GSE1: variants seen among roughly 807,000 people sequenced by gnomAD.
GSE1 encodes Gse1 coiled-coil protein.
GSE1 carries 32 observed loss-of-function variants against 112.6 expected under a neutral mutation model. The ratio of observed to expected loss-of-function variants is 0.28; its 90% CI spans 0.21 to 0.38. The LOEUF (loss-of-function observed/expected upper bound fraction) is 0.38, where lower values mean the gene tolerates loss of function less well. Among genes scored for constraint, GSE1 ranks in the 10% least tolerant of loss-of-function variants. GSE1 has a pLI of 1.00. For synonymous variants in GSE1, 1,115 were observed against 735.6 expected, an observed-to-expected ratio of 1.52 and a Z score of -8.35; for missense variants, 2,348 against 1,699.2, an observed-to-expected ratio of 1.38 and a Z score of -6.71.
At chr16:85,605,816 C>T (rs1398673969) in intron 1 of GSE1, among the ~76,000 whole-genome samples, 3 of 151,942 alleles carry the variant, frequency 2.0e-5, no homozygotes, top group African/African-American at 7.3e-5. Flanking sequence ...AACTGAAGAC[C>T]GCATTGTAGG....
rs771903052 is a variant in GSE1, at chr16:85,668,315, GGAGGAGGAA to G, written c.3315_3323del (p.Glu1105_Glu1107del). On this transcript the variant is annotated inframe_deletion, in exon 14 of 16. Coordinates refer to ENST00000253458, the MANE Select transcript of GSE1 (RefSeq NM_014615.5). ...CCCAGGAGTTGGACCGGGACTCGGA[GGAGGAGGAA>G]GAGGAGGATGATGAAGATGGAGAAG... 1.1e-5 allele frequency: 18 copies of G among 1,612,764 alleles called. No homozygotes were observed. Among genetic ancestry groups the G allele is most frequent in the Non-Finnish European group, 1.2e-5 (14 of 1,179,010 alleles).
At chr16:85,458,598 A>G (rs2049895457) in intron 2 of GSE1, among the ~76,000 whole-genome samples, 1 of 152,220 alleles carries the variant, frequency 6.6e-6, no homozygotes, top group African/African-American at 2.4e-5. Flanking sequence ...GGCCAGTGGC[A>G]GGGGCTTCCA....
intron 2 of GSE1, among the ~76,000 whole-genome samples, chr16:85,447,217 C>G (rs1162498540): frequency 6.6e-6 from 1 of 152,138 alleles, no homozygotes; most frequent in Non-Finnish European, 1.5e-5. Context: ...GTGTGCAGCA[C>G]CCCCAGCCCT....
chr16:85,223,496 C>T (rs1235838101), intron 1 of GSE1, among the ~76,000 whole-genome samples: 1 of 151,778 alleles, frequency 6.6e-6, no homozygotes, highest in Admixed American at 6.6e-5. Context: ...GCACTCCAGC[C>T]TGGGCAACAG....
intron 1 of GSE1, among the ~76,000 whole-genome samples, chr16:85,224,536 T>C (rs191602693): frequency 1.8e-4 from 27 of 152,176 alleles, no homozygotes; most frequent in Non-Finnish European, 3.7e-4. Flanking sequence ...GTATCCAGAC[T>C]CATTCATTCA....
chr16:85,631,655 C>G (rs995897955), intron 1 of GSE1, among the ~76,000 whole-genome samples: 9 of 152,252 alleles, frequency 5.9e-5, no homozygotes, highest in African/African-American at 1.9e-4. Flanking sequence ...CGTAATGGCC[C>G]TGGGGTGCCC....
chr16:85,272,777 CTTTTTTTT>C (rs1204820536), intron 1 of GSE1, among the ~76,000 whole-genome samples: 7 of 131,426 alleles, frequency 5.3e-5, no homozygotes, highest in African/African-American at 1.1e-4. Context: ...CTTCTCTTTT[CTTTTTTTT>C]TTTTTTTTTT....
chr16:85,468,286 GCTT>G (rs925625324), intron 2 of GSE1, among the ~76,000 whole-genome samples: 16 of 149,888 alleles, frequency 1.1e-4, no homozygotes, highest in African/African-American at 2.7e-4. Flanking sequence ...GGCTGGACCA[GCTT>G]CTTCTTGTAG....
intron 2 of GSE1, among the ~76,000 whole-genome samples, chr16:85,544,885 C>T (rs866701655): frequency 6.6e-6 from 1 of 152,158 alleles, no homozygotes; most frequent in African/African-American, 2.4e-5. Context: ...GGACCGCGGC[C>T]GGAGCAGGAT....
At chr16:85,519,938 G>C (rs1359577133) in intron 2 of GSE1, among the ~76,000 whole-genome samples, 2 of 152,066 alleles carry the variant, frequency 1.3e-5, no homozygotes, top group Non-Finnish European at 2.9e-5. Context: ...CTCTATACTT[G>C]GGAAAGGGTC....
rs139520850 is a variant in GSE1 at position 85,497,601 on chromosome 16, C to A, written c.2465-136313C>A. On this transcript the variant is annotated intron_variant, in intron 2 of 2. Transcript: ENST00000637419. ...TCTCACAGCAAACTGCTGAAAGGGA[C>A]CAGGCCTCCTATGTCTGTGCAGCAG... Among the ~76,000 whole-genome samples the A allele has an allele frequency of 2.6e-5, 4 of 152,298 alleles. No homozygotes were observed. In the East Asian group the frequency reaches 5.8e-4, roughly 22 times the overall value.
At chr16:85,244,977 T>G (rs1905475633) in intron 1 of GSE1, among the ~76,000 whole-genome samples, 1 of 139,392 alleles carries the variant, frequency 7.2e-6, no homozygotes, top group Non-Finnish European at 1.5e-5. Context: ...GGCAACAGAG[T>G]GAGACTTCAT....
intron 2 of GSE1, among the ~76,000 whole-genome samples, chr16:85,645,443 A>G (rs2050774555): frequency 6.6e-6 from 1 of 152,132 alleles, no homozygotes; most frequent in Admixed American, 6.5e-5. Context: ...AGGAAACCAC[A>G]TTAAAGAGGC....
At position 85,560,188 on chromosome 16, in the gene GSE1, T is replaced by C. The variant is rs192436316; in HGVS notation, c.37+3825T>C. On this transcript the variant is annotated intron_variant, in intron 1 of 2. Transcript: ENST00000635906. Reference sequence around the variant, plus strand: ...GTCTCTCTCTCTTGCCAGGCTCGAGTGCAATGGCGAGATTTCGGCTCACTG... The same window carrying C: ...GTCTCTCTCTCTTGCCAGGCTCGAGCGCAATGGCGAGATTTCGGCTCACTG... Among the ~76,000 whole-genome samples the C allele has an allele frequency of 3.1e-3, 433 of 141,374 alleles. 2 individuals carry two copies. Among genetic ancestry groups the C allele is most frequent in the African/African-American group, 0.011 (412 of 37,570 alleles). The allele number at this position is 141,374 out of a possible 152,430, so 92.7% of individuals were successfully genotyped here. A position where few individuals can be genotyped will look rare whatever the true frequency, so the allele number is the denominator to read the frequency against.
intron 1 of GSE1, among the ~76,000 whole-genome samples, chr16:85,303,358 T>C (rs2045577487): frequency 6.6e-6 from 1 of 151,764 alleles, no homozygotes. Context: ...CGGTGGGGAG[T>C]CCCGACCCAG....
At chr16:85,382,715 G>GCA (rs112103997) in intron 2 of GSE1, among the ~76,000 whole-genome samples, 9,699 of 151,592 alleles carry the variant, frequency 0.064, 362 homozygotes, top group Non-Finnish European at 0.081. Flanking sequence ...CCTCACACAT[G>GCA]CACACACACA....
At chr16:85,341,004 T>G (rs1010381191) in intron 1 of GSE1, among the ~76,000 whole-genome samples, 2 of 152,170 alleles carry the variant, frequency 1.3e-5, no homozygotes, top group Admixed American at 6.5e-5. Context: ...TGAGTTAAAA[T>G]ATGTGGAAAG....
chr16:85,300,447 CCT>C (rs1363075581), intron 1 of GSE1, among the ~76,000 whole-genome samples: 25 of 152,332 alleles, frequency 1.6e-4, no homozygotes, highest in Admixed American at 5.9e-4. Context: ...GGTGTCAGCC[CCT>C]GTTCTCCTCC....
intron 2 of GSE1, among the ~76,000 whole-genome samples, chr16:85,485,183 G>A (rs1328558226): frequency 6.6e-6 from 1 of 152,262 alleles, no homozygotes; most frequent in Non-Finnish European, 1.5e-5. Flanking sequence ...CAAGGAAGTG[G>A]AGCGACAGCC....
Sources: gnomAD v4.1 joint callset for allele counts (sites outside exome capture counted in the v4.1 genomes callset) on GRCh38, gnomAD v4.1.1 for gene constraint, MANE v1.5 for transcripts, NCBI Gene and HGNC (gene_info 2026-07-23, HGNC 2026-07-21) for gene names.